TRIM27: variants seen among roughly 807,000 people sequenced by gnomAD.
TRIM27 encodes zinc finger protein RFP.
TRIM27 carries 12 observed loss-of-function variants against 57.6 expected under a neutral mutation model. That is an observed-to-expected ratio of 0.21 (90% CI 0.13 to 0.34). TRIM27 has a LOEUF of 0.34. Among genes scored for constraint, TRIM27 ranks in the 10% least tolerant of loss-of-function variants. The probability of loss-of-function intolerance (pLI) is 1.00; values close to 1 mark genes in which losing one functional copy is unlikely to be tolerated. For missense variants in TRIM27, 403 were observed against 656.8 expected, an observed-to-expected ratio of 0.61 and a Z score of 4.22; for synonymous variants, 266 against 259.0, an observed-to-expected ratio of 1.03 and a Z score of -0.26.
At chr6:28,919,308 CCCG>C (rs1773854205) in intron 3 of TRIM27, among the ~76,000 whole-genome samples, 2 of 152,122 alleles carry the variant, frequency 1.3e-5, no homozygotes, top group African/African-American at 4.8e-5. Context: ...CTGCACCTGG[CCCG>C]CCATCATCCA....
intron 7 of TRIM27, chr6:28,906,566 G>C (rs921406293): frequency 1.3e-5 from 2 of 151,982 alleles, no homozygotes; most frequent in African/African-American, 4.8e-5. Context: ...TACAAGCAAA[G>C]TACTCATTTA....
rs150772955 is a variant in TRIM27 at position 28,904,726 on chromosome 6, A to G, written c.947-61T>C. ...CAGGAGAGCCTATTTTAGAACACCC[A>G]GCGCCTTTCTACTACCTCCCCAATA... is the stretch of plus-strand genomic sequence containing the variant. On this transcript the variant is annotated intron_variant, in intron 7 of 7. Coordinates refer to ENST00000377199, the MANE Select transcript of TRIM27 (RefSeq NM_006510.5). The surrounding 1 kb of genome is among the most constrained non-coding windows in gnomAD (Gnocchi z 6.1). 11 of 1,323,982 alleles carry G rather than the reference A, an allele frequency of 8.3e-6. No homozygotes were observed. Among genetic ancestry groups the G allele is most frequent in the Non-Finnish European group, 1.1e-5 (11 of 976,556 alleles). The allele number at this position is 1,323,982 out of a possible 1,614,324, so 82.0% of individuals were successfully genotyped here.
At chr6:28,909,656 G>C (rs906063119) in intron 4 of TRIM27, among the ~76,000 whole-genome samples, 2 of 152,184 alleles carry the variant, frequency 1.3e-5, no homozygotes, top group Admixed American at 6.6e-5. Flanking sequence ...ATATGAGGCT[G>C]ACTTTGCCAG....
intron 2 of TRIM27, among the ~76,000 whole-genome samples, chr6:28,921,069 T>G (rs1773992230): frequency 6.6e-6 from 1 of 152,106 alleles, no homozygotes. Context: ...CAGGACTCTA[T>G]TATAAACTTT....
rs901635478 is a variant in TRIM27, at chr6:28,904,519, A to G, written c.1093T>C (p.Cys365Arg). The G allele has an allele frequency of 1.9e-6, 3 of 1,612,798 alleles. No individual in the cohort carries two copies. The highest frequency in any genetic ancestry group is 2.5e-6 in the Non-Finnish European group (3 of 1,180,014). Reference sequence around the variant, plus strand: ...CAATAATGTCTCCCGGCGATGAAGCATGGAGAGCCCAAGACACAGGGAAAC... The same window carrying G: ...CAATAATGTCTCCCGGCGATGAAGCGTGGAGAGCCCAAGACACAGGGAAAC... ...NLFPCVLGSPCFIAGRHYWEV... is the reference protein window; with the variant it reads ...NLFPCVLGSPRFIAGRHYWEV... Residue 365 changes from cysteine (C) to arginine (R), a missense_variant, in exon 8 of 8, where the codon TGC (cysteine) becomes CGC (arginine). By Grantham distance (180) the Cys-to-Arg change is radical. Coordinates refer to ENST00000377199, the MANE Select transcript of TRIM27 (RefSeq NM_006510.5). The surrounding 1 kb of genome is among the most constrained non-coding windows in gnomAD (Gnocchi z 6.1).
chr6:28,914,590 G>A (rs932351083), intron 3 of TRIM27, among the ~76,000 whole-genome samples: 1 of 100,826 alleles, frequency 9.9e-6, no homozygotes, highest in African/African-American at 3.8e-5. Context: ...GTGGGGGGGG[G>A]GGGATGAGGG....
chr6:28,917,912 C>T (rs927813303), intron 3 of TRIM27, among the ~76,000 whole-genome samples: 6 of 151,582 alleles, frequency 4.0e-5, no homozygotes, highest in Admixed American at 1.3e-4. Context: ...CTGCAACCAT[C>T]GTCTCACTGG....
Position 28,909,389 on chromosome 6 carries a change from G to A in TRIM27, c.771-301C>T, listed in dbSNP as rs373499115. ...CCCAAAGTGCTGGGATTACAGGCGTGAGCCACCACGTCCGGCCCAAGTAAA... is the reference window on the plus strand; with the variant it reads ...CCCAAAGTGCTGGGATTACAGGCGTAAGCCACCACGTCCGGCCCAAGTAAA... On this transcript the variant is annotated intron_variant, in intron 4 of 7. Coordinates refer to ENST00000377199, the MANE Select transcript of TRIM27 (RefSeq NM_006510.5). Among the ~76,000 whole-genome samples the A allele has an allele frequency of 1.2e-3, 185 of 152,354 alleles. 1 individual carries two copies. The highest frequency in any genetic ancestry group is 4.2e-3 in the African/African-American group (176 of 41,582).
intron 3 of TRIM27, among the ~76,000 whole-genome samples, chr6:28,916,593 G>A (rs537503886): frequency 2.0e-5 from 3 of 151,816 alleles, no homozygotes; most frequent in South Asian, 2.1e-4. Context: ...AAAAGGCTAC[G>A]TACTGTATGA....
intron 1 of TRIM27, among the ~76,000 whole-genome samples, chr6:28,922,380 CAT>C (rs1045174716): frequency 2.0e-5 from 3 of 152,196 alleles, no homozygotes; most frequent in African/African-American, 7.2e-5. Context: ...TTATTTCCCT[CAT>C]GTGTGAAATG....
intron 7 of TRIM27, chr6:28,906,770 C>A (rs556177375): frequency 6.4e-6 from 1 of 156,222 alleles, no homozygotes; most frequent in Non-Finnish European, 1.4e-5. Flanking sequence ...AGGGTGAAAG[C>A]GGTTGTGAGG....
At chr6:28,906,238 A>G (rs1004624066) in intron 7 of TRIM27, 1 of 151,866 alleles carries the variant, frequency 6.6e-6, no homozygotes, top group African/African-American at 2.4e-5. Context: ...TAAAATAATA[A>G]ATAAATAAAT....
intron 3 of TRIM27, among the ~76,000 whole-genome samples, chr6:28,911,970 C>T (rs1773240305): frequency 6.6e-6 from 1 of 152,216 alleles, no homozygotes; most frequent in African/African-American, 2.4e-5. Flanking sequence ...TCAAGGACCT[C>T]AGGATTTCAA....
At chr6:28,907,496 G>C in intron 6 of TRIM27, 1 of 700,528 alleles carries the variant, frequency 1.4e-6, no homozygotes, top group Non-Finnish European at 2.7e-6. Flanking sequence ...ACATGCCTGA[G>C]ACTGGTAGAA....
At chr6:28,905,061 C>T (rs1772665902) in intron 7 of TRIM27, 2 of 190,062 alleles carry the variant, frequency 1.1e-5, no homozygotes, top group African/African-American at 4.7e-5. Context: ...CATAGGTGTG[C>T]ACTACCACCC....
intron 6 of TRIM27, 92 bp downstream of exon 6, chr6:28,908,716 A>C: frequency 1.6e-6 from 2 of 1,237,780 alleles, no homozygotes; most frequent in South Asian, 1.3e-5. Context: ...GCCAATGGGT[A>C]TCACCCTTAT....
At chr6:28,917,834 T>C (rs1298816292) in intron 3 of TRIM27, among the ~76,000 whole-genome samples, 2 of 151,704 alleles carry the variant, frequency 1.3e-5, no homozygotes, top group Non-Finnish European at 2.9e-5. Flanking sequence ...TCCTTTCTTT[T>C]TTTTTTTTTT....
Position 28,904,439 on chromosome 6 carries a change from T to C in TRIM27, c.1173A>G (p.Ser391=). Residue 391 remains serine (S), a synonymous_variant, in exon 8 of 8, where the codon TCA becomes TCG. Coordinates refer to ENST00000377199, the MANE Select transcript of TRIM27 (RefSeq NM_006510.5). The surrounding 1 kb of genome is among the most constrained non-coding windows in gnomAD (Gnocchi z 6.1). The part of the protein sequence containing the change: ...AKWTIGVCED[S]VCRKGGVTSA... ...AGGTTACTCCACCTTTTCTGCACACTGAGTCTTCACAGACACCTATGGTCC... is the reference window on the plus strand; with the variant it reads ...AGGTTACTCCACCTTTTCTGCACACCGAGTCTTCACAGACACCTATGGTCC... 1 of 1,613,092 alleles carries C rather than the reference T, an allele frequency of 6.2e-7. No individual in the cohort carries two copies. Among genetic ancestry groups the C allele is most frequent in the African/African-American group, 1.3e-5 (1 of 75,058 alleles).
In TRIM27 at chr6:28,908,995, C is replaced by A; in HGVS notation, c.864G>T (p.Thr288=). ...TACCTGTGAACTGCTTTAGACTCTCCGTCAAGAATAGACATTTTTGGGCAA... is the reference window on the plus strand; with the variant it reads ...TACCTGTGAACTGCTTTAGACTCTCAGTCAAGAATAGACATTTTTGGGCAA... The part of the protein sequence containing the change: ...HIFAQKCLFL[T]ESLKQFTEKM... The change falls in exon 5 of 8, where the codon ACG becomes ACT. Residue 288 remains threonine, a synonymous_variant. Coordinates refer to ENST00000377199, the MANE Select transcript of TRIM27 (RefSeq NM_006510.5). 3.1e-6 allele frequency: 5 copies of A among 1,613,802 alleles called. No homozygotes were observed. Among genetic ancestry groups the A allele is most frequent in the Non-Finnish European group, 4.2e-6 (5 of 1,179,844 alleles).
Sources: allele counts gnomAD v4.1 joint callset (sites outside exome capture counted in the v4.1 genomes callset), GRCh38; gene constraint gnomAD v4.1.1; non-coding constraint Gnocchi (gnomAD v3.1); transcripts MANE v1.5; gene names NCBI Gene and HGNC (gene_info 2026-07-23, HGNC 2026-07-21).